The following TRPC5 variants were observed in gnomAD, a reference collection of about 807,000 sequenced individuals.
TRPC5 encodes short transient receptor potential channel 5.
A neutral mutation model predicts 56.5 loss-of-function variants in TRPC5; 9 were observed. The observed-to-expected ratio is 0.16, with a 90% confidence interval of 0.10 to 0.28. The LOEUF is 0.28. Ranked by LOEUF, TRPC5 falls within the 10% of genes least tolerant of loss-of-function variation. The probability of loss-of-function intolerance (pLI) is 1.00; values close to 1 mark genes in which losing one functional copy is unlikely to be tolerated. For synonymous variants in TRPC5, 282 were observed against 278.5 expected (o/e 1.01, Z -0.13); for missense variants, 469 against 748.9 (o/e 0.63, Z 4.36).
intron 3 of TRPC5, among the ~76,000 whole-genome samples, chrX:111,870,126 T>C (rs1466744614): frequency 8.9e-6 from 1 of 112,087 alleles, no homozygotes. Flanking sequence ...AGGTTGTTGC[T>C]CTTTGGGAGC....
chrX:111,957,388 A>T lies in TRPC5; in HGVS notation c.-21-4947T>A, dbSNP rs182970153. Among the ~76,000 whole-genome samples, 195 of 112,133 alleles carry T rather than the reference A, an allele frequency of 1.7e-3. 1 individual carries two copies. The highest frequency in any genetic ancestry group is 5.9e-3 in the African/African-American group (182 of 30,894). ...AATCTAATTATTTCCTTAATTTATA[A>T]ATAAGGTAAGACTCAACACTTATTC... On this transcript the variant is annotated intron_variant, in intron 1 of 10. Coordinates refer to ENST00000262839, the MANE Select transcript of TRPC5 (RefSeq NM_012471.3).
intron 3 of TRPC5, among the ~76,000 whole-genome samples, chrX:111,877,814 G>A (rs1327236369): frequency 9.0e-6 from 1 of 111,480 alleles, no homozygotes; most frequent in African/African-American, 3.3e-5. Flanking sequence ...TAGGTTGGCT[G>A]TAAAAAGAAA....
intron 1 of TRPC5, among the ~76,000 whole-genome samples, chrX:111,993,958 T>C (rs1237218531): frequency 8.9e-6 from 1 of 112,314 alleles, no homozygotes; most frequent in East Asian, 2.8e-4. Flanking sequence ...TTTGGTGTTT[T>C]AGTCATGAAG....
At chrX:111,984,231 AAAC>A (rs1417241537) in intron 1 of TRPC5, among the ~76,000 whole-genome samples, 3 of 111,677 alleles carry the variant, frequency 2.7e-5, no homozygotes, top group Non-Finnish European at 5.6e-5. Context: ...CAAAGGCACC[AAAC>A]AACCTCCGTA....
At chrX:111,967,086 T>C (rs1927611951) in intron 1 of TRPC5, among the ~76,000 whole-genome samples, 1 of 111,700 alleles carries the variant, frequency 9.0e-6, no homozygotes, top group African/African-American at 3.3e-5. Flanking sequence ...AACCCCATCA[T>C]CTCAGCCCAA....
At chrX:111,976,256 C>T (rs1927926248) in intron 1 of TRPC5, among the ~76,000 whole-genome samples, 1 of 110,309 alleles carries the variant, frequency 9.1e-6, no homozygotes, top group Non-Finnish European at 1.9e-5. Context: ...AACCTTGTCT[C>T]TGTAAAAAAT....
intron 3 of TRPC5, among the ~76,000 whole-genome samples, chrX:111,899,592 T>C (rs751007271): frequency 2.5e-4 from 28 of 110,712 alleles, no homozygotes; most frequent in African/African-American, 7.9e-4. Context: ...GAATGGGAAG[T>C]CAGAAGTTAA....
At chrX:111,860,190 G>A (rs1445805869) in intron 3 of TRPC5, among the ~76,000 whole-genome samples, 1 of 112,787 alleles carries the variant, frequency 8.9e-6, no homozygotes, top group African/African-American at 3.2e-5. Flanking sequence ...TTACAGGCGT[G>A]AGCCACTACG....
chrX:111,812,597 G>A (rs1052825525), intron 7 of TRPC5, among the ~76,000 whole-genome samples: 1 of 111,092 alleles, frequency 9.0e-6, no homozygotes, highest in African/African-American at 3.3e-5. Flanking sequence ...TATAGTTCTG[G>A]GTATAAAGAG....
At chrX:111,953,956 G>A (rs1363103021) in intron 1 of TRPC5, among the ~76,000 whole-genome samples, 1 of 111,745 alleles carries the variant, frequency 8.9e-6, no homozygotes, top group Non-Finnish European at 1.9e-5. Flanking sequence ...ACAGGGTGCT[G>A]TTTCACTGCC....
chrX:112,063,305 C>A (rs757568850), intron 1 of TRPC5, among the ~76,000 whole-genome samples: 1 of 111,949 alleles, frequency 8.9e-6, no homozygotes, highest in East Asian at 2.8e-4. Flanking sequence ...ATCTCTCTTG[C>A]TATTTCATTC....
rs1467863997 is a variant in TRPC5 at position 111,768,446 on chromosome X, A to C, written c.*7867T>G. Among the ~76,000 whole-genome samples the C allele has an allele frequency of 8.9e-6, 1 of 111,809 alleles. No individual in the cohort carries two copies. The highest frequency in any genetic ancestry group is 3.2e-5 in the African/African-American group (1 of 30,790). The stretch of plus-strand genomic sequence containing the variant: ...AAAGAAACTCCCATCCCTAATTTCA[A>C]CCCCATTTTTGAGAAATATGGAATA... On this transcript the variant is annotated 3_prime_UTR_variant, in exon 11 of 11. Transcript: ENST00000262839.
Position 112,067,873 on chromosome X carries a change from T to G in TRPC5, c.-22+14006A>C, listed in dbSNP as rs140394505. ...AAGGTCACTGCATCCTCGAGCCTCC[T>G]CTGAGAAGTTAACCGAATCCTTGAT... On this transcript the variant is annotated intron_variant, in intron 1 of 10. Transcript: ENST00000262839. Among the ~76,000 whole-genome samples the G allele has an allele frequency of 3.6e-3, 402 of 112,387 alleles. 1 individual carries two copies. Among genetic ancestry groups the G allele is most frequent in the Non-Finnish European group, 5.8e-3 (309 of 53,267 alleles).
chrX:111,885,678 T>TA (rs1924456893), intron 3 of TRPC5, among the ~76,000 whole-genome samples: 1 of 110,966 alleles, frequency 9.0e-6, no homozygotes, highest in African/African-American at 3.3e-5. Flanking sequence ...CCTCAAAATA[T>TA]AAATGAATAA....
At chrX:111,844,997 G>A (rs927917764) in intron 6 of TRPC5, among the ~76,000 whole-genome samples, 20 of 109,977 alleles carry the variant, frequency 1.8e-4, no homozygotes, top group African/African-American at 6.6e-4. Flanking sequence ...CAGCACTTTG[G>A]GAGGCTGAGA....
At chrX:112,014,276 G>A (rs1929064097) in intron 1 of TRPC5, among the ~76,000 whole-genome samples, 1 of 112,389 alleles carries the variant, frequency 8.9e-6, no homozygotes, top group Admixed American at 9.4e-5. Context: ...TTGGGAGATA[G>A]TACCTCAGTT....
chrX:112,040,854 G>A (rs959406839), intron 1 of TRPC5, among the ~76,000 whole-genome samples: 1 of 112,164 alleles, frequency 8.9e-6, no homozygotes, highest in Middle Eastern at 4.2e-3. Flanking sequence ...TCAAGTATAA[G>A]TAGTTTGTTT....
At chrX:111,929,436 T>C (rs1038792003) in intron 2 of TRPC5, among the ~76,000 whole-genome samples, 2 of 112,647 alleles carry the variant, frequency 1.8e-5, no homozygotes, top group Non-Finnish European at 3.7e-5. Flanking sequence ...CTTGGATTGA[T>C]TGCAGTGACA....
intron 1 of TRPC5, among the ~76,000 whole-genome samples, chrX:112,045,503 C>T (rs990855361): frequency 3.6e-5 from 4 of 111,828 alleles, no homozygotes; most frequent in African/African-American, 9.8e-5. Flanking sequence ...AAGCAGAATT[C>T]GTTACAGCAG....
Sources: gnomAD v4.1 joint callset for allele counts (sites outside exome capture counted in the v4.1 genomes callset) on GRCh38, gnomAD v4.1.1 for gene constraint, MANE v1.5 for transcripts, NCBI Gene and HGNC (gene_info 2026-07-23, HGNC 2026-07-21) for gene names.